LRRFIP2: variants seen among roughly 807,000 people sequenced by gnomAD.
LRRFIP2 encodes leucine-rich repeat flightless-interacting protein 2.
A neutral mutation model predicts 125.9 loss-of-function variants in LRRFIP2; 109 were observed. The ratio of observed to expected loss-of-function variants is 0.87; its 90% confidence interval spans 0.74 to 1.01. The LOEUF (loss-of-function observed/expected upper bound fraction) is 1.01. Among genes scored for constraint, LRRFIP2 ranks in the 50% least tolerant of loss-of-function variants. The pLI, the probability that LRRFIP2 is intolerant of heterozygous loss-of-function variation, is 0.00. For synonymous variants in LRRFIP2, 291 were observed against 293.1 expected, an observed-to-expected ratio of 0.99 and a Z score of 0.07; for missense variants, 850 against 862.3, an observed-to-expected ratio of 0.99 and a Z score of 0.18.
intron 13 of LRRFIP2, among the ~76,000 whole-genome samples, chr3:37,107,779 T>G (rs952191241): frequency 3.3e-5 from 5 of 152,138 alleles, no homozygotes; most frequent in African/African-American, 1.2e-4. Context: ...TACAATGAAT[T>G]ATCACCACTG....
In LRRFIP2 at chr3:37,086,288, G is replaced by A. The variant is rs577902272; in HGVS notation, c.1108-2482C>T. ...ATTGCTGGTAGGAACATAAAATGGTGCAGCTACTTTGGAAAACAGTTTGAC... is the reference window on the plus strand; with the variant it reads ...ATTGCTGGTAGGAACATAAAATGGTACAGCTACTTTGGAAAACAGTTTGAC... On this transcript the variant is annotated intron_variant, in intron 18 of 27. Coordinates refer to ENST00000336686, the MANE Select transcript of LRRFIP2 (RefSeq NM_006309.4). Among the ~76,000 whole-genome samples the A allele has an allele frequency of 3.9e-5, 6 of 152,288 alleles. No homozygotes were observed. The South Asian group carries it at 1.2e-3, about 32-fold the overall frequency.
intron 17 of LRRFIP2, among the ~76,000 whole-genome samples, chr3:37,092,859 G>C (rs1384037179): frequency 6.6e-6 from 1 of 151,164 alleles, no homozygotes; most frequent in African/African-American, 2.4e-5. Flanking sequence ...TTTTTTTTGA[G>C]ATGGATTCTC....
intron 25 of LRRFIP2, among the ~76,000 whole-genome samples, chr3:37,057,094 C>G (rs1352971899): frequency 6.6e-6 from 1 of 152,198 alleles, no homozygotes; most frequent in Non-Finnish European, 1.5e-5. Context: ...TTGTCTTTGC[C>G]AGCTTTCCCA....
Position 37,148,997 on chromosome 3 carries a change from T to TA in LRRFIP2, c.-15dup. 1 of 1,613,692 alleles carries TA rather than the reference T, an allele frequency of 6.2e-7. No homozygotes were observed. Among genetic ancestry groups the TA allele is most frequent in the Non-Finnish European group, 8.5e-7 (1 of 1,179,862 alleles). On this transcript the variant is annotated 5_prime_UTR_variant, in exon 2 of 28. Coordinates refer to ENST00000336686, the MANE Select transcript of LRRFIP2 (RefSeq NM_006309.4). ...AGGAGTCCCCATCTTGTGTTCTTAA[T>TA]AGTCTTTTAACTTTGAAAGTGATTT...
intron 2 of LRRFIP2, among the ~76,000 whole-genome samples, chr3:37,142,265 A>T (rs1484794116): frequency 6.6e-6 from 1 of 150,708 alleles, no homozygotes; most frequent in East Asian, 2.0e-4. Flanking sequence ...CAGCCTCCTG[A>T]GTAGCTGGAA....
At chr3:37,066,030 T>C in intron 22 of LRRFIP2, 88 bp from the exon 23 acceptor site, 1 of 1,553,456 alleles carries the variant, frequency 6.4e-7, no homozygotes, top group Non-Finnish European at 8.9e-7. Flanking sequence ...ACATGTTTGC[T>C]ACAGGTAAAA....
chr3:37,063,510 A>G (rs2089333144), intron 24 of LRRFIP2, among the ~76,000 whole-genome samples: 1 of 152,270 alleles, frequency 6.6e-6, no homozygotes, highest in Non-Finnish European at 1.5e-5. Flanking sequence ...TGCTGTGTTC[A>G]TAACAAGCTT....
At chr3:37,099,860 A>G (rs1025213439) in intron 15 of LRRFIP2, among the ~76,000 whole-genome samples, 1 of 152,208 alleles carries the variant, frequency 6.6e-6, no homozygotes, top group East Asian at 1.9e-4. Context: ...GTTATAAACT[A>G]TTAGCCTACA....
chr3:37,072,588 CT>C (rs1394616598), intron 21 of LRRFIP2, among the ~76,000 whole-genome samples: 1 of 151,630 alleles, frequency 6.6e-6, no homozygotes, highest in Non-Finnish European at 1.5e-5. Context: ...TTTTACAAGC[CT>C]AGTGTTTGCT....
intron 18 of LRRFIP2, among the ~76,000 whole-genome samples, 191 bp from the exon 19 acceptor site, chr3:37,083,997 A>G (rs1392304243): frequency 6.6e-6 from 1 of 152,238 alleles, no homozygotes; most frequent in African/African-American, 2.4e-5. Context: ...TAATGCCTTT[A>G]TAAGAACAAT....
rs147883176 is a variant in LRRFIP2 at position 37,072,010 on chromosome 3, T to A, written c.1464+780A>T. ...TGGTTATAATTACAGACAGCCACCC[T>A]AGAAAGTCTTACATTCCTATCCATT... On this transcript the variant is annotated intron_variant, in intron 21 of 27. Coordinates refer to ENST00000336686, the MANE Select transcript of LRRFIP2 (RefSeq NM_006309.4). Among the ~76,000 whole-genome samples, 682 of 152,316 alleles carry A rather than the reference T, an allele frequency of 4.5e-3. 4 individuals carry two copies. The highest frequency in any genetic ancestry group is 0.037 in the Middle Eastern group (11 of 294).
rs367634143 is a variant in LRRFIP2 at position 37,055,073 on chromosome 3, T to C, written c.1950+13A>G. ...GACATTTAAATAACTTAGTACCATA[T>C]AGAAGTACTTACACTTTGCTCCAAG... On this transcript the variant is annotated intron_variant, in intron 26 of 27. Transcript: ENST00000336686. 61 of 1,541,882 alleles carry C rather than the reference T, an allele frequency of 4.0e-5. No individual in the cohort carries two copies. The highest frequency in any genetic ancestry group is 4.9e-5 in the Non-Finnish European group (55 of 1,125,066).
chr3:37,167,527 G>A (rs1186653394), intron 1 of LRRFIP2, among the ~76,000 whole-genome samples: 2 of 151,716 alleles, frequency 1.3e-5, no homozygotes, highest in Admixed American at 1.3e-4. Flanking sequence ...GGTGGCGGGT[G>A]CCCATAGTCC....
chr3:37,162,512 C>T (rs1323332279), intron 1 of LRRFIP2, among the ~76,000 whole-genome samples: 1 of 152,138 alleles, frequency 6.6e-6, no homozygotes, highest in Non-Finnish European at 1.5e-5. Flanking sequence ...AGTCAAATCC[C>T]TCTTTTTCAT....
At chr3:37,134,989 A>G (rs1360922693) in intron 2 of LRRFIP2, 10 of 1,516,440 alleles carry the variant, frequency 6.6e-6, no homozygotes, top group Admixed American at 3.4e-5. Context: ...GTTCACTGCT[A>G]TGTGATCCAA....
At position 37,102,946 on chromosome 3, in the gene LRRFIP2, A is replaced by T. The variant is rs769753614; in HGVS notation, c.851T>A (p.Ile284Asn). The change falls in exon 15 of 28, where the codon ATC becomes AAC. Residue 284 changes from isoleucine (I) to asparagine (N), a missense_variant. Ile to Asn is a moderately radical substitution (Grantham distance 149, BLOSUM62 -3). Transcript: ENST00000336686. ...RGSVVSEVDD[I>N]SIPDLSSLDE... ...CACGCTGGACAAATCTGGGATACTGATATCATCCACCTCAGAGACAACACT... is the reference window on the plus strand; with the variant it reads ...CACGCTGGACAAATCTGGGATACTGTTATCATCCACCTCAGAGACAACACT... The T allele has an allele frequency of 6.4e-7, 1 of 1,563,598 alleles. No homozygotes were observed. The highest frequency in any genetic ancestry group is 2.3e-5 in the East Asian group (1 of 42,758).
intron 2 of LRRFIP2, among the ~76,000 whole-genome samples, chr3:37,129,985 G>A (rs1343764256): frequency 6.6e-6 from 1 of 152,044 alleles, no homozygotes; most frequent in Non-Finnish European, 1.5e-5. Context: ...AGAGTGAGAC[G>A]CTGTCTCAAA....
chr3:37,167,994 T>C (rs2096533129), intron 1 of LRRFIP2, among the ~76,000 whole-genome samples: 1 of 151,904 alleles, frequency 6.6e-6, no homozygotes, highest in Non-Finnish European at 1.5e-5. Flanking sequence ...TAAAAATCAA[T>C]CAATAAGAAA....
At chr3:37,063,715 A>G (rs770761560) in intron 24 of LRRFIP2, 27 bp downstream of exon 24, 8 of 1,570,148 alleles carry the variant, frequency 5.1e-6, no homozygotes, top group Admixed American at 3.4e-5. Context: ...TTAAAATTAT[A>G]TTACACTCCA....
Sources: gnomAD v4.1 joint callset for allele counts (sites outside exome capture counted in the v4.1 genomes callset) on GRCh38, gnomAD v4.1.1 for gene constraint, MANE v1.5 for transcripts, NCBI Gene and HGNC (gene_info 2026-07-23, HGNC 2026-07-21) for gene names.